Variants in LRRC63 observed in about 807,000 individuals in gnomAD.
LRRC63 encodes the protein leucine-rich repeat-containing protein 63.
A neutral mutation model predicts 49.5 loss-of-function variants in LRRC63; 40 were observed. The ratio of observed to expected loss-of-function variants is 0.81; its 90% confidence interval spans 0.63 to 1.05. The LOEUF (loss-of-function observed/expected upper bound fraction) is 1.05, where lower values mean the gene tolerates loss of function less well. Ranked by LOEUF, LRRC63 falls within the 50% of genes least tolerant of loss-of-function variation. The pLI is 0.00. For missense variants in LRRC63, 636 were observed against 663.1 expected (o/e 0.96, Z 0.45); for synonymous variants, 191 against 221.1 (o/e 0.86, Z 1.21).
Position 46,255,309 on chromosome 13 carries a change from A to G in LRRC63, c.1226+4818A>G, listed in dbSNP as rs1487438796. ...GGGAGTAGCTGTTCAATGGATATAG[A>G]GTTTCTGTTTGGGATGATGGGAAAG... On this transcript the variant is annotated intron_variant, in intron 7 of 9. Coordinates refer to ENST00000595396, the Ensembl canonical transcript of LRRC63. Among the ~76,000 whole-genome samples the G allele has an allele frequency of 4.1e-4, 63 of 152,064 alleles. 1 individual carries two copies. The highest frequency in any genetic ancestry group is 4.1e-3 in the Admixed American group (63 of 15,242).
intron 4 of LRRC63, among the ~76,000 whole-genome samples, chr13:46,233,243 G>A (rs1395479131): frequency 2.0e-5 from 3 of 152,080 alleles, no homozygotes; most frequent in Admixed American, 6.5e-5. Context: ...TGGGCTTAGA[G>A]CAGGGAGCAG....
intron 8 of LRRC63, among the ~76,000 whole-genome samples, chr13:46,264,227 A>G (rs570743975): frequency 7.6e-4 from 115 of 152,312 alleles, no homozygotes; most frequent in Non-Finnish European, 1.3e-3. Context: ...CTTTTTCTTA[A>G]GCTGTCTTTC....
chr13:46,276,164 T>C (rs1433591483), intron 9 of LRRC63, among the ~76,000 whole-genome samples: 2 of 152,128 alleles, frequency 1.3e-5, no homozygotes, highest in African/African-American at 4.8e-5. Flanking sequence ...GGACTCTAAT[T>C]CCATACTAGG....
At chr13:46,237,791 G>C (rs1331704637) in intron 5 of LRRC63, among the ~76,000 whole-genome samples, 2 of 152,002 alleles carry the variant, frequency 1.3e-5, no homozygotes, top group Admixed American at 1.3e-4. Context: ...AAATGAAGGG[G>C]ATTGTAAGAG....
intron 4 of LRRC63, among the ~76,000 whole-genome samples, chr13:46,232,006 G>T (rs536191380): frequency 6.6e-6 from 1 of 150,412 alleles, no homozygotes; most frequent in Non-Finnish European, 1.5e-5. Flanking sequence ...TAGTAGAGAC[G>T]GGGTTTCACC....
At chr13:46,223,834 C>A (rs2046488520) in intron 2 of LRRC63, among the ~76,000 whole-genome samples, 1 of 152,014 alleles carries the variant, frequency 6.6e-6, no homozygotes, top group Non-Finnish European at 1.5e-5. Context: ...CCAGCCTGGG[C>A]AACAGAGCAA....
chr13:46,268,070 C>A (rs942048068), intron 9 of LRRC63, among the ~76,000 whole-genome samples: 2 of 151,970 alleles, frequency 1.3e-5, no homozygotes, highest in Non-Finnish European at 2.9e-5. Flanking sequence ...TATGAGGAAA[C>A]AAGCCACCAA....
chr13:46,268,673 C>T (rs1178194807), intron 9 of LRRC63, among the ~76,000 whole-genome samples: 2 of 151,624 alleles, frequency 1.3e-5, no homozygotes, highest in East Asian at 1.9e-4. Context: ...TAAACCAAAA[C>T]AGAATTTACT....
intron 4 of LRRC63, among the ~76,000 whole-genome samples, chr13:46,230,575 T>G (rs945684116): frequency 1.3e-5 from 2 of 152,194 alleles, no homozygotes; most frequent in Non-Finnish European, 2.9e-5. Context: ...GCCGAAGAAC[T>G]TGGAGTCTGA....
chr13:46,238,772 CA>C (rs1330082893), intron 5 of LRRC63, among the ~76,000 whole-genome samples: 1 of 152,076 alleles, frequency 6.6e-6, no homozygotes, highest in Middle Eastern at 3.2e-3. Flanking sequence ...TATCAATAAC[CA>C]AAATTATACC....
At chr13:46,256,206 A>G (rs1227678257) in intron 7 of LRRC63, among the ~76,000 whole-genome samples, 1 of 152,250 alleles carries the variant, frequency 6.6e-6, no homozygotes, top group East Asian at 1.9e-4. Context: ...TGAAGATTTT[A>G]TACTAATAGA....
In LRRC63 at chr13:46,228,193, A is replaced by C; in HGVS notation, c.763+4A>C. On this transcript the variant is annotated splice_donor_region_variant and intron_variant, in intron 3 of 9. Coordinates refer to ENST00000595396, the Ensembl canonical transcript of LRRC63. The stretch of plus-strand genomic sequence containing the variant: ...CCTCACAGGCAGTCTGTGATAGGTA[A>C]ATACAATCTGAACACGGTATAATTA... 1 of 1,532,528 alleles carries C rather than the reference A, an allele frequency of 6.5e-7. No homozygotes were observed. The highest frequency in any genetic ancestry group is 1.2e-5 in the South Asian group (1 of 81,610). 94.9% of individuals were successfully genotyped at this position (1,532,528 alleles called of 1,614,324 possible).
intron 5 of LRRC63, among the ~76,000 whole-genome samples, chr13:46,243,464 A>G (rs1191054033): frequency 2.6e-5 from 4 of 152,230 alleles, no homozygotes; most frequent in African/African-American, 9.6e-5. Context: ...AACCTTGAAT[A>G]TAAGTAAATA....
intron 5 of LRRC63, among the ~76,000 whole-genome samples, chr13:46,244,225 A>C (rs776815341): frequency 6.6e-6 from 1 of 152,188 alleles, no homozygotes; most frequent in Non-Finnish European, 1.5e-5. Context: ...AAAGGTTGGA[A>C]GGGGCTAAAT....
exon 10 of LRRC63, chr13:46,276,870 A>T (rs899740578): frequency 1.6e-4 from 22 of 141,216 alleles, no homozygotes; most frequent in South Asian, 4.5e-4. Flanking sequence ...ATATATATTT[A>T]TATATATATA....
intron 8 of LRRC63, 74 bp downstream of exon 8, chr13:46,262,066 A>G (rs2764598): frequency 0.97 from 450,831 of 463,344 alleles, 219,396 homozygotes; most frequent in East Asian, 1. Context: ...AGAGAAAATC[A>G]ATCCTTTCAT....
intron 9 of LRRC63, among the ~76,000 whole-genome samples, chr13:46,272,784 G>C (rs1279557841): frequency 6.6e-6 from 1 of 152,182 alleles, no homozygotes; most frequent in East Asian, 1.9e-4. Flanking sequence ...AAAATGTTTT[G>C]ACATGGAAAG....
At chr13:46,228,468 A>G (rs1412393814) in intron 3 of LRRC63, among the ~76,000 whole-genome samples, 197 bp from the exon 4 acceptor site, 1 of 152,230 alleles carries the variant, frequency 6.6e-6, no homozygotes, top group Non-Finnish European at 1.5e-5. Context: ...AGAAGCAGTG[A>G]GAATACACAG....
At position 46,266,764 on chromosome 13, in the gene LRRC63, G is replaced by T. The variant is rs771167815; in HGVS notation, c.1342G>T (p.Glu448Ter). ...TGAAAAACTGACTGTTGATGGGAAT[G>T]AACTGAGTTTTTTCCCCCATGGAAT... Residue 448 changes from glutamate (E) to a stop codon, truncating the protein, a stop_gained, in exon 9 of 10, where the codon GAA becomes TAA. Transcript: ENST00000595396. LOFTEE classifies it high-confidence loss of function. 13 of 1,549,484 alleles carry T rather than the reference G, an allele frequency of 8.4e-6. No individual in the cohort carries two copies. Among genetic ancestry groups the T allele is most frequent in the Non-Finnish European group, 1.1e-5 (13 of 1,146,412 alleles).
Sources: gnomAD v4.1 joint callset for allele counts (sites outside exome capture counted in the v4.1 genomes callset) on GRCh38, gnomAD v4.1.1 for gene constraint, MANE v1.5 for transcripts, NCBI Gene and HGNC (gene_info 2026-07-23, HGNC 2026-07-21) for gene names.